Variants in PCDHGB2 observed in about 807,000 individuals in gnomAD.
PCDHGB2 encodes the protein protocadherin gamma subfamily B, 2, also known as protocadherin gamma-B2.
PCDHGB2 carries 55 observed loss-of-function variants against 59.3 expected under a neutral mutation model. That is an observed-to-expected ratio of 0.93 (90% CI 0.75 to 1.16). The LOEUF is 1.16. Among genes scored for constraint, PCDHGB2 ranks in the 50% most tolerant of loss-of-function variants. PCDHGB2 has a pLI of 0.00. For synonymous variants in PCDHGB2, 516 were observed against 512.0 expected (o/e 1.01, Z -0.11); for missense variants, 1,228 against 1,198.5 (o/e 1.02, Z -0.36).
chr5:141,372,920 T>A (rs1390656899), intron 1 of PCDHGB2: 22 of 1,005,592 alleles, frequency 2.2e-5, no homozygotes, highest in Non-Finnish European at 3.0e-5. Context: ...ATTTTATTGA[T>A]TTTCTGGTGT....
chr5:141,466,669 C>T lies in PCDHGB2; in HGVS notation c.2422-28138C>T, dbSNP rs529252130. The stretch of plus-strand genomic sequence containing the variant: ...TTTCACAAAACATCAGTGATTTCAC[C>T]GTTCTTCCACTCAAGCTTCATCATA... On this transcript the variant is annotated intron_variant, in intron 1 of 3. Transcript: ENST00000522605. Among the ~76,000 whole-genome samples the T allele has an allele frequency of 8.5e-5, 13 of 152,278 alleles. No homozygotes were observed. The East Asian group carries it at 9.6e-4, about 11-fold the overall frequency.
Position 141,486,812 on chromosome 5 carries a change from A to G in PCDHGB2, c.2422-7995A>G, listed in dbSNP as rs781747283. 6.2e-7 allele frequency: 1 copy of G among 1,614,226 alleles called. No individual in the cohort carries two copies. The highest frequency in any genetic ancestry group is 8.5e-7 in the Non-Finnish European group (1 of 1,180,046). ...GGATCGGGGCAACCCACCCCTTAGC[A>G]GCACTGTAACAGTTCGTCTATTTGT... On this transcript the variant is annotated intron_variant, in intron 1 of 3. Transcript: ENST00000522605. This position sits in a 1 kb window ranked among gnomAD's most constrained non-coding sequence, Gnocchi z 5.0.
At position 141,489,068 on chromosome 5, in the gene PCDHGB2, G is replaced by GGCCCC; in HGVS notation, c.2422-5739_2422-5738insGCCCC. On this transcript the variant is annotated intron_variant, in intron 1 of 3. Coordinates refer to ENST00000522605, the MANE Select transcript of PCDHGB2 (RefSeq NM_018923.3). This position sits in a 1 kb window ranked among gnomAD's most constrained non-coding sequence, Gnocchi z 4.5. ...CTCAAATTCAGCTCCCCTCCCCCCT[G>GGCCCC]CCCACCCCCGCCACTCGGTGACTAA... 3.4e-6 allele frequency: 1 copy of GGCCCC among 291,558 alleles called. No individual in the cohort carries two copies. 18.1% of individuals were successfully genotyped at this position (291,558 alleles called of 1,614,324 possible). A position where few individuals can be genotyped will look rare whatever the true frequency, so the allele number is the denominator to read the frequency against.
chr5:141,386,848 A>G (rs1458200403), intron 1 of PCDHGB2, among the ~76,000 whole-genome samples: 1 of 152,186 alleles, frequency 6.6e-6, no homozygotes, highest in East Asian at 1.9e-4. Flanking sequence ...TAATCACTAA[A>G]CTCAGTGAGC....
intron 1 of PCDHGB2, among the ~76,000 whole-genome samples, chr5:141,407,487 C>T (rs928735518): frequency 7.0e-6 from 1 of 142,894 alleles, no homozygotes; most frequent in African/African-American, 2.6e-5. Context: ...TATGGAAAAT[C>T]TTTATTTCTG....
intron 1 of PCDHGB2, among the ~76,000 whole-genome samples, chr5:141,473,329 G>A (rs2099319416): frequency 6.6e-6 from 1 of 152,212 alleles, no homozygotes; most frequent in Non-Finnish European, 1.5e-5. Context: ...TTAAGTGCCT[G>A]CTGTGCTAGA....
intron 1 of PCDHGB2, chr5:141,402,843 G>A (rs1370040306): frequency 5.7e-6 from 8 of 1,399,114 alleles, no homozygotes; most frequent in Non-Finnish European, 6.6e-6. Context: ...GCAAAACTCA[G>A]CCTCTTTCTT....
chr5:141,420,225 C>G, intron 1 of PCDHGB2: 1 of 1,603,470 alleles, frequency 6.2e-7, no homozygotes. Flanking sequence ...ATGCTACTGG[C>G]TAGCATTTTA....
Position 141,506,556 on chromosome 5 carries a change from AC to A in PCDHGB2, c.2569+1080del, listed in dbSNP as rs560503002. Among the ~76,000 whole-genome samples the A allele has an allele frequency of 4.0e-4, 60 of 151,718 alleles. 1 individual carries two copies. In the East Asian group the frequency reaches 0.011, roughly 28 times the overall value. ...AATGAGTCCTTAGGTAAGTTATTAA[AC>A]CCCCTCGGTTTCACTTACTATTAAT... On this transcript the variant is annotated intron_variant, in intron 3 of 3. Coordinates refer to ENST00000522605, the MANE Select transcript of PCDHGB2 (RefSeq NM_018923.3).
At chr5:141,439,727 C>G (rs940325016) in intron 1 of PCDHGB2, 2 of 152,406 alleles carry the variant, frequency 1.3e-5, no homozygotes, top group Non-Finnish European at 2.9e-5. Context: ...AAATTATAAG[C>G]AGGAACGGAA....
intron 1 of PCDHGB2, chr5:141,399,958 G>C: frequency 1.2e-6 from 2 of 1,612,122 alleles, no homozygotes; most frequent in Middle Eastern, 3.8e-4. Context: ...TAGCGAGCCC[G>C]GGCTCTTCAG....
chr5:141,479,703 C>T (rs1219257838), intron 1 of PCDHGB2: 1 of 152,182 alleles, frequency 6.6e-6, no homozygotes, highest in African/African-American at 2.4e-5. Context: ...AGTGTTAGTC[C>T]CTGTCCTTCC....
intron 1 of PCDHGB2, chr5:141,372,728 A>G (rs1769012432): frequency 1.2e-6 from 2 of 1,613,562 alleles, no homozygotes; most frequent in African/African-American, 2.7e-5. Flanking sequence ...CTGCACCACA[A>G]GATCTTCTAT....
intron 1 of PCDHGB2, chr5:141,365,077 G>A: frequency 6.2e-7 from 1 of 1,613,842 alleles, no homozygotes; most frequent in African/African-American, 1.3e-5. Context: ...AGTACAGCGT[G>A]AGTGTTCCAG....
In PCDHGB2 at chr5:141,511,036, G is replaced by T; in HGVS notation, c.2659G>T (p.Val887Leu). The T allele has an allele frequency of 1.2e-6, 2 of 1,614,200 alleles. No homozygotes were observed. The highest frequency in any genetic ancestry group is 1.7e-6 in the Non-Finnish European group (2 of 1,180,024). Residue 887 changes from valine to leucine, a missense_variant, in exon 4 of 4, where the codon GTG (valine) becomes TTG (leucine). This residue lies in a region of PCDHGB2 where 433 missense variants were observed against 441.8 expected (regional missense o/e 0.98). Transcript: ENST00000522605. ...RYGPQFTLQHVPDYRQNVYIP... is the reference protein window; with the variant it reads ...RYGPQFTLQHLPDYRQNVYIP... Reference sequence around the variant, plus strand: ...CGGACCCCAGTTCACCCTGCAGCACGTGCCCGACTACCGCCAGAATGTCTA... The same window carrying T: ...CGGACCCCAGTTCACCCTGCAGCACTTGCCCGACTACCGCCAGAATGTCTA...
intron 1 of PCDHGB2, among the ~76,000 whole-genome samples, chr5:141,436,320 G>A (rs1158221950): frequency 6.6e-6 from 1 of 152,120 alleles, no homozygotes; most frequent in African/African-American, 2.4e-5. Flanking sequence ...AGTCAAGACT[G>A]TTAGACCATA....
At chr5:141,363,754 T>C (rs769880289) in intron 1 of PCDHGB2, among the ~76,000 whole-genome samples, 4 of 152,238 alleles carry the variant, frequency 2.6e-5, no homozygotes, top group Non-Finnish European at 4.4e-5. Context: ...GGTATTCTTA[T>C]ATGCAAATAA....
chr5:141,368,022 A>C lies in PCDHGB2; in HGVS notation c.2421+5466A>C, dbSNP rs148102234. 3.7e-3 allele frequency among the ~76,000 whole-genome samples: 559 copies of C among 152,344 alleles called. 6 individuals are homozygous for C. Among genetic ancestry groups the C allele is most frequent in the African/African-American group, 0.013 (529 of 41,584 alleles). On this transcript the variant is annotated intron_variant, in intron 1 of 3. Coordinates refer to ENST00000522605, the MANE Select transcript of PCDHGB2 (RefSeq NM_018923.3). ...AATGAAATACTGGCCTATGTGCCTC[A>C]AATTCCAGGAGGATGTGTTATGTAA...
intron 1 of PCDHGB2, chr5:141,422,122 A>G (rs758254144): frequency 6.2e-7 from 1 of 1,601,596 alleles, no homozygotes; most frequent in African/African-American, 1.4e-5. Context: ...GGATTCACAA[A>G]CTGGAGAAGT....
Sources: gnomAD v4.1 joint callset for allele counts (sites outside exome capture counted in the v4.1 genomes callset) on GRCh38, gnomAD v4.1.1 for gene constraint, gnomAD v4.1.1 regional missense constraint, Gnocchi (gnomAD v3.1) non-coding constraint, MANE v1.5 for transcripts, NCBI Gene and HGNC (gene_info 2026-07-23, HGNC 2026-07-21) for gene names.